The following IDH3A variants were observed in gnomAD, a reference collection of about 807,000 sequenced individuals.
The protein encoded by IDH3A is isocitrate dehydrogenase [NAD] subunit alpha, mitochondrial.
A neutral mutation model predicts 43.3 loss-of-function variants in IDH3A; 23 were observed. That is an observed-to-expected ratio of 0.53 (90% CI 0.38 to 0.75). The LOEUF is 0.75. IDH3A is among the 30% of genes least tolerant of loss of function. IDH3A has a pLI of 0.00. For synonymous variants in IDH3A, 154 were observed against 163.5 expected, an observed-to-expected ratio of 0.94 and a Z score of 0.44; for missense variants, 329 against 474.4, an observed-to-expected ratio of 0.69 and a Z score of 2.85.
chr15:78,154,051 A>G (rs570550966), intron 1 of IDH3A, among the ~76,000 whole-genome samples: 11 of 152,248 alleles, frequency 7.2e-5, no homozygotes, highest in East Asian at 1.9e-4. Context: ...CCTTTGGTCT[A>G]TGTACCCAGT....
At chr15:78,159,460 C>T (rs1199023744) in intron 3 of IDH3A, among the ~76,000 whole-genome samples, 1 of 152,138 alleles carries the variant, frequency 6.6e-6, no homozygotes, top group African/African-American at 2.4e-5. Context: ...AAGTTTCATC[C>T]ATGTATCAGT....
chr15:78,171,572 A>T lies in IDH3A; in HGVS notation c.*2567A>T, dbSNP rs1297041027. 3 of 1,506,916 alleles carry T rather than the reference A, an allele frequency of 2.0e-6. 1 individual carries two copies. Among genetic ancestry groups the T allele is most frequent in the Non-Finnish European group, 2.8e-6 (3 of 1,083,088 alleles). The allele number at this position is 1,506,916 out of a possible 1,614,324, so 93.3% of individuals were successfully genotyped here. Reference sequence around the variant, plus strand: ...AGAAATGAGTGAGGCCCAGGCTCTGAGAACTCTGAGAATGTGTGTGGTAAA... The same window carrying T: ...AGAAATGAGTGAGGCCCAGGCTCTGTGAACTCTGAGAATGTGTGTGGTAAA... On this transcript the variant is annotated 3_prime_UTR_variant, in exon 11 of 11. Transcript: ENST00000299518.
At chr15:78,166,873 C>T (rs1245109634) in intron 10 of IDH3A, among the ~76,000 whole-genome samples, 1 of 151,066 alleles carries the variant, frequency 6.6e-6, no homozygotes, top group Non-Finnish European at 1.5e-5. Flanking sequence ...CTCAAGTGAT[C>T]CTCCCGCCCC....
In IDH3A at chr15:78,171,716, T is replaced by C. The variant is rs2074825383; in HGVS notation, c.*2711T>C. On this transcript the variant is annotated 3_prime_UTR_variant, in exon 11 of 11. Transcript: ENST00000299518. Reference sequence around the variant, plus strand: ...TTCATATGGCTTGTGTGTAGTCTCCTGTGTTATACCACTGGTTGTGGCCAG... The same window carrying C: ...TTCATATGGCTTGTGTGTAGTCTCCCGTGTTATACCACTGGTTGTGGCCAG... The C allele has an allele frequency of 1.8e-6, 1 of 543,582 alleles. No homozygotes were observed. 33.7% of individuals were successfully genotyped at this position (543,582 alleles called of 1,614,324 possible). A position where few individuals can be genotyped will look rare whatever the true frequency, so the allele number is the denominator to read the frequency against.
chr15:78,150,833 G>T (rs1405107584), intron 1 of IDH3A: 1 of 152,172 alleles, frequency 6.6e-6, no homozygotes, highest in Non-Finnish European at 1.5e-5. Flanking sequence ...TTCAGACCCA[G>T]ATTTGCTTGT....
rs936157964 is a variant in IDH3A, at chr15:78,158,434, G to A, written c.174+803G>A. Among the ~76,000 whole-genome samples the A allele has an allele frequency of 3.0e-5, 3 of 98,536 alleles. No individual in the cohort carries two copies. In the South Asian group the frequency reaches 1.1e-3, roughly 36 times the overall value. 64.6% of individuals were successfully genotyped at this position (98,536 alleles called of 152,430 possible). ...TCCAACTGGTACATTCATAGGTTAT[G>A]CAATACATACATACATATATATATA... On this transcript the variant is annotated intron_variant, in intron 3 of 10. Coordinates refer to ENST00000299518, the MANE Select transcript of IDH3A (RefSeq NM_005530.3).
chr15:78,155,388 T>C (rs984598340), intron 2 of IDH3A, 113 bp downstream of exon 2: 2 of 674,998 alleles, frequency 3.0e-6, no homozygotes, highest in African/African-American at 3.7e-5. Context: ...TTGGGAAAAT[T>C]GGCCATATTT....
rs2074806556 is a variant in IDH3A, at chr15:78,170,474, C to G, written c.*1469C>G. ...TCCTTTGTTTAAGCTGCTGCTTCCT[C>G]TGTTTCATTGGATTGTGCCAGTTAT... On this transcript the variant is annotated 3_prime_UTR_variant, in exon 11 of 11. Coordinates refer to ENST00000299518, the MANE Select transcript of IDH3A (RefSeq NM_005530.3). 1.3e-5 allele frequency: 2 copies of G among 152,050 alleles called. No homozygotes were observed. The highest frequency in any genetic ancestry group is 3.8e-4 in the East Asian group (2 of 5,198). 9.4% of individuals were successfully genotyped at this position (152,050 alleles called of 1,614,324 possible).
At chr15:78,156,788 G>A (rs546216857) in intron 2 of IDH3A, 24 of 690,692 alleles carry the variant, frequency 3.5e-5, no homozygotes, top group East Asian at 6.1e-5. Context: ...TGCTGGCTTC[G>A]TTTTGCCTGA....
At chr15:78,163,474 T>C in intron 6 of IDH3A, 33 bp from the exon 7 acceptor site, 12 of 1,463,122 alleles carry the variant, frequency 8.2e-6, no homozygotes, top group Non-Finnish European at 1.1e-5. Flanking sequence ...TGTAAGACTT[T>C]TTTTTCAGCA....
intron 3 of IDH3A, among the ~76,000 whole-genome samples, chr15:78,159,333 A>G (rs895096496): frequency 1.3e-5 from 2 of 151,114 alleles, no homozygotes; most frequent in African/African-American, 2.4e-5. Flanking sequence ...TAGGCAGCCA[A>G]CCACTCATCT....
rs1049436 is a variant in IDH3A, at chr15:78,171,027, G to C, written c.*2022G>C. The C allele has an allele frequency of 6.4e-6, 1 of 155,774 alleles. No homozygotes were observed. The allele number at this position is 155,774 out of a possible 1,614,324, so 9.6% of individuals were successfully genotyped here. ...AGTAAGTCAGGTCGCTAGGTGAGTT[G>C]TGACTGATTGCTTTTCCTGCAGCGC... is the stretch of plus-strand genomic sequence containing the variant. On this transcript the variant is annotated 3_prime_UTR_variant, in exon 11 of 11. Coordinates refer to ENST00000299518, the MANE Select transcript of IDH3A (RefSeq NM_005530.3).
chr15:78,156,470 G>A (rs1016615469), intron 2 of IDH3A, among the ~76,000 whole-genome samples: 1 of 152,030 alleles, frequency 6.6e-6, no homozygotes, highest in Non-Finnish European at 1.5e-5. Context: ...GCAATGTAGT[G>A]AGTCCTCATC....
chr15:78,158,463 ATTTTTT>A (rs67298643), intron 3 of IDH3A, among the ~76,000 whole-genome samples: 2 of 67,378 alleles, frequency 3.0e-5, no homozygotes, highest in South Asian at 4.7e-4. Context: ...ATATATATAT[ATTTTTT>A]TTTTTTTTTT....
chr15:78,163,130 C>G (rs1052135011), intron 6 of IDH3A, among the ~76,000 whole-genome samples: 4 of 152,186 alleles, frequency 2.6e-5, no homozygotes, highest in Non-Finnish European at 5.9e-5. Flanking sequence ...AATATATTAA[C>G]AGTTTTCCTA....
At position 78,149,450 on chromosome 15, in the gene IDH3A, C is replaced by G. The variant is rs935340056; in HGVS notation, c.27+20C>G. The G allele has an allele frequency of 2.0e-6, 3 of 1,532,922 alleles. No individual in the cohort carries two copies. The highest frequency in any genetic ancestry group is 1.9e-5 in the Admixed American group (1 of 52,344). The allele number at this position is 1,532,922 out of a possible 1,614,324, so 95.0% of individuals were successfully genotyped here. A position where few individuals can be genotyped will look rare whatever the true frequency, so the allele number is the denominator to read the frequency against. ...TCTAAGGTGAGCGCTGGCAGGCCGG[C>G]GTGTGGCAGGCAGGCAGGCCGCGAG... On this transcript the variant is annotated intron_variant, in intron 1 of 10. Coordinates refer to ENST00000299518, the MANE Select transcript of IDH3A (RefSeq NM_005530.3).
chr15:78,160,058 T>C (rs2074665766), intron 3 of IDH3A, 34 bp from the exon 4 acceptor site: 2 of 1,298,234 alleles, frequency 1.5e-6, no homozygotes. Context: ...TTTAAGTCTC[T>C]CCAGCTCACT....
rs781207142 is a variant in IDH3A at position 78,171,751 on chromosome 15, G to T, written c.*2746G>T. ...CACTGGTTGTGGCCAGTGGAGTATA[G>T]ATGAAGGGTTGGTATGTCACCTCTG... On this transcript the variant is annotated 3_prime_UTR_variant, in exon 11 of 11. Coordinates refer to ENST00000299518, the MANE Select transcript of IDH3A (RefSeq NM_005530.3). 1.2e-4 allele frequency: 52 copies of T among 449,956 alleles called. No homozygotes were observed. The highest frequency in any genetic ancestry group is 2.0e-4 in the Non-Finnish European group (50 of 248,492). 27.9% of individuals were successfully genotyped at this position (449,956 alleles called of 1,614,324 possible).
intron 1 of IDH3A, among the ~76,000 whole-genome samples, chr15:78,150,501 G>A (rs1371689880): frequency 6.6e-6 from 1 of 152,164 alleles, no homozygotes; most frequent in African/African-American, 2.4e-5. Context: ...TGTTATTTAA[G>A]GAAAAGATCT....
Sources: gnomAD v4.1 joint callset for allele counts (sites outside exome capture counted in the v4.1 genomes callset) on GRCh38, gnomAD v4.1.1 for gene constraint, MANE v1.5 for transcripts, NCBI Gene and HGNC (gene_info 2026-07-23, HGNC 2026-07-21) for gene names.